METTL9: variants seen among roughly 807,000 people sequenced by gnomAD.
METTL9 encodes methyltransferase 9, His-X-His N1(pi)-histidine.
A neutral mutation model predicts 36.0 loss-of-function variants in METTL9; 10 were observed. The observed-to-expected ratio is 0.28, with a 90% confidence interval of 0.17 to 0.47. METTL9 has a LOEUF of 0.47. Ranked by LOEUF, METTL9 falls within the 20% of genes least tolerant of loss-of-function variation. METTL9 has a pLI of 0.99. For missense variants in METTL9, 246 were observed against 383.5 expected, an observed-to-expected ratio of 0.64 and a Z score of 3.00; for synonymous variants, 175 against 149.7, an observed-to-expected ratio of 1.17 and a Z score of -1.23.
At chr16:21,642,268 A>G (rs921294489) in intron 4 of METTL9, 6 of 152,108 alleles carry the variant, frequency 3.9e-5, no homozygotes, top group Admixed American at 1.3e-4. Flanking sequence ...AAATATCTTT[A>G]CTAGTTTATC....
intron 4 of METTL9, among the ~76,000 whole-genome samples, chr16:21,634,395 C>T (rs1305770239): frequency 6.6e-6 from 1 of 152,132 alleles, no homozygotes; most frequent in African/African-American, 2.4e-5. Flanking sequence ...AGTGATTGCC[C>T]CAGCATAGTG....
At chr16:21,605,348 A>G (rs767442775) in intron 1 of METTL9, among the ~76,000 whole-genome samples, 6 of 127,948 alleles carry the variant, frequency 4.7e-5, no homozygotes, top group Non-Finnish European at 9.3e-5. Flanking sequence ...TGGCCTGATC[A>G]TATCTCACTG....
At chr16:21,653,244 C>T (rs964868448) in intron 4 of METTL9, 2 of 152,116 alleles carry the variant, frequency 1.3e-5, no homozygotes, top group African/African-American at 4.8e-5. Flanking sequence ...TGCACCACCA[C>T]CCCTGGCTAA....
chr16:21,644,359 C>T, intron 4 of METTL9: 1 of 1,613,982 alleles, frequency 6.2e-7, no homozygotes, highest in Non-Finnish European at 8.5e-7. Flanking sequence ...CAAGAGCTGT[C>T]AGGAAGCTCC....
intron 4 of METTL9, among the ~76,000 whole-genome samples, chr16:21,639,288 A>G (rs2141606122): frequency 1.3e-5 from 2 of 152,330 alleles, no homozygotes; most frequent in South Asian, 4.1e-4. Context: ...TGGGAAAGGC[A>G]TATTGTGAGT....
intron 4 of METTL9, chr16:21,651,942 T>C (rs1966587417): frequency 6.6e-6 from 1 of 152,296 alleles, no homozygotes; most frequent in South Asian, 2.1e-4. Context: ...CATTTTGATA[T>C]ATTTCTTCAC....
rs774090189 is a variant in METTL9 at position 21,655,236 on chromosome 16, A to G, written c.761A>G (p.Lys254Arg). 2 of 1,613,692 alleles carry G rather than the reference A, an allele frequency of 1.2e-6. No individual in the cohort carries two copies. Among genetic ancestry groups the G allele is most frequent in the African/African-American group, 2.7e-5 (2 of 74,908 alleles). ...TTCTTATTTGTATTAGTAGGTGGCAAGTGGGAGAAACCATCAGAAATTTTG... is the reference window on the plus strand; with the variant it reads ...TTCTTATTTGTATTAGTAGGTGGCAGGTGGGAGAAACCATCAGAAATTTTG... ...FHPYVENVGG[K>R]WEKPSEILEI... The change falls in exon 5 of 5, where the codon AAG (lysine) becomes AGG (arginine). Residue 254 changes from lysine to arginine, a missense_variant. Around this residue, in one of 2 missense-constraint regions of METTL9, gnomAD observed 146 missense variants for 302.1 expected, o/e 0.48. Transcript: ENST00000358154.
At chr16:21,635,808 A>G (rs1966077941) in intron 4 of METTL9, among the ~76,000 whole-genome samples, 2 of 152,080 alleles carry the variant, frequency 1.3e-5, no homozygotes, top group Admixed American at 1.3e-4. Context: ...CCCCCTGCCC[A>G]AGAACCTGCA....
chr16:21,639,857 A>G (rs1243185572), intron 4 of METTL9: 1 of 152,226 alleles, frequency 6.6e-6, no homozygotes, highest in Non-Finnish European at 1.5e-5. Context: ...GAATCTTAAA[A>G]TATTTAACAA....
chr16:21,630,076 T>C (rs1038595208), intron 4 of METTL9, among the ~76,000 whole-genome samples: 3 of 152,222 alleles, frequency 2.0e-5, no homozygotes, highest in Admixed American at 2.0e-4. Context: ...CACAGAGTGC[T>C]GATTGGTACA....
chr16:21,600,012 C>T, intron 1 of METTL9, 114 bp downstream of exon 1: 2 of 931,826 alleles, frequency 2.1e-6, no homozygotes, highest in Non-Finnish European at 2.7e-6. Context: ...CTCGCCCCTC[C>T]GCCTCGGCCC....
At chr16:21,651,155 G>A (rs1343563801) in intron 4 of METTL9, among the ~76,000 whole-genome samples, 4 of 152,070 alleles carry the variant, frequency 2.6e-5, no homozygotes, top group Non-Finnish European at 4.4e-5. Context: ...CCCGGGAGGC[G>A]GAGCTTGCAG....
At chr16:21,606,409 G>A (rs1320939425) in intron 1 of METTL9, among the ~76,000 whole-genome samples, 1 of 152,054 alleles carries the variant, frequency 6.6e-6, no homozygotes, top group African/African-American at 2.4e-5. Flanking sequence ...TTGGGGAACG[G>A]CCAAGTGGAA....
Position 21,616,670 on chromosome 16 carries a change from A to G in METTL9, c.357-1195A>G, listed in dbSNP as rs148275445. Among the ~76,000 whole-genome samples, 354 of 152,300 alleles carry G rather than the reference A, an allele frequency of 2.3e-3. 1 individual carries two copies. Among genetic ancestry groups the G allele is most frequent in the Admixed American group, 5.0e-3 (76 of 15,290 alleles). Reference sequence around the variant, plus strand: ...AGGACCCAGACAGTTGTAACCATATAAACTGACATAAGTACGAATCTACTT... The same window carrying G: ...AGGACCCAGACAGTTGTAACCATATGAACTGACATAAGTACGAATCTACTT... On this transcript the variant is annotated intron_variant, in intron 2 of 4. Transcript: ENST00000358154.
intron 2 of METTL9, 147 bp downstream of exon 2, chr16:21,612,982 TTCTA>T (rs1053099100): frequency 4.5e-6 from 3 of 671,420 alleles, no homozygotes; most frequent in African/African-American, 3.7e-5. Context: ...TGGTCCAGCG[TTCTA>T]TCTTTCTGTG....
intron 4 of METTL9, among the ~76,000 whole-genome samples, chr16:21,638,275 G>A (rs528227853): frequency 1.3e-5 from 2 of 152,264 alleles, no homozygotes; most frequent in African/African-American, 4.8e-5. Flanking sequence ...CCGAGATCAC[G>A]CCATTGTACT....
intron 4 of METTL9, among the ~76,000 whole-genome samples, chr16:21,629,707 A>C (rs1047121526): frequency 6.6e-6 from 1 of 152,198 alleles, no homozygotes; most frequent in Non-Finnish European, 1.5e-5. Flanking sequence ...ACGAAAGAAC[A>C]AAGCTTCCTC....
chr16:21,651,202 G>A (rs954802257), intron 4 of METTL9, among the ~76,000 whole-genome samples: 3 of 152,210 alleles, frequency 2.0e-5, no homozygotes, highest in African/African-American at 7.2e-5. Flanking sequence ...CAGCCTGGGT[G>A]ACAGAGCGAG....
intron 4 of METTL9, among the ~76,000 whole-genome samples, chr16:21,631,655 TTGTA>T (rs1965964725): frequency 6.6e-6 from 1 of 152,156 alleles, no homozygotes; most frequent in South Asian, 2.1e-4. Flanking sequence ...GATTGGACCT[TTGTA>T]TGGTGATTAA....
Sources: allele counts gnomAD v4.1 joint callset (sites outside exome capture counted in the v4.1 genomes callset), GRCh38; gene constraint gnomAD v4.1.1; regional missense constraint gnomAD v4.1.1; transcripts MANE v1.5; gene names NCBI Gene and HGNC (gene_info 2026-07-23, HGNC 2026-07-21).